The following DENND4C variants were observed in gnomAD, a reference collection of about 807,000 sequenced individuals.
The protein encoded by DENND4C is DENN domain containing 4C.
Under a neutral mutation model 203.0 loss-of-function variants are expected in DENND4C, and 108 were observed. That is an observed-to-expected ratio of 0.53 (90% CI 0.46 to 0.62). The LOEUF is 0.62. Ranked by LOEUF, DENND4C falls within the 20% of genes least tolerant of loss-of-function variation. The pLI is 0.00. For synonymous variants in DENND4C, 871 were observed against 792.4 expected (o/e 1.10, Z -1.67); for missense variants, 2,481 against 2,301.2 (o/e 1.08, Z -1.60).
chr9:19,296,086 T>G lies in DENND4C; in HGVS notation c.880T>G (p.Leu294Val). Reference sequence around the variant, plus strand: ...AGAGAAACAGCTTATGCACCTGGGCTTGTTGACGCCTGTGGAGAGAAAAAT... The same window carrying G: ...AGAGAAACAGCTTATGCACCTGGGCGTGTTGACGCCTGTGGAGAGAAAAAT... ...LSEKQLMHLG[L>V]LTPVERKMVS... Residue 294 changes from leucine (L) to valine (V), a missense_variant, in exon 6 of 33, where the codon TTG becomes GTG. Coordinates refer to ENST00000434457, the MANE Select transcript of DENND4C (RefSeq NM_001330640.2). 1 of 1,614,152 alleles carries G rather than the reference T, an allele frequency of 6.2e-7. No homozygotes were observed.
rs751417000 is a variant in DENND4C at position 19,361,838 on chromosome 9, T to C, written c.5407-8T>C. The C allele has an allele frequency of 1.3e-6, 2 of 1,523,552 alleles. No individual in the cohort carries two copies. Among genetic ancestry groups the C allele is most frequent in the Non-Finnish European group, 1.8e-6 (2 of 1,098,564 alleles). The allele number at this position is 1,523,552 out of a possible 1,614,324, so 94.4% of individuals were successfully genotyped here. ...GGGATACTAATACTTTCTTTTGATT[T>C]CTTTTAGCTTCCTCTGTCATCTCTG... On this transcript the variant is annotated splice_region_variant and splice_polypyrimidine_tract_variant and intron_variant, in intron 29 of 32. Coordinates refer to ENST00000434457, the MANE Select transcript of DENND4C (RefSeq NM_001330640.2).
intron 10 of DENND4C, among the ~76,000 whole-genome samples, 200 bp from the exon 11 acceptor site, chr9:19,316,217 T>A (rs1841822771): frequency 6.6e-6 from 1 of 152,250 alleles, no homozygotes; most frequent in Admixed American, 6.5e-5. Context: ...AAGGTTAGAA[T>A]GAGATGGCTA....
intron 30 of DENND4C, among the ~76,000 whole-genome samples, chr9:19,367,291 A>C (rs559542734): frequency 1.3e-5 from 2 of 152,376 alleles, no homozygotes; most frequent in Admixed American, 1.3e-4. Flanking sequence ...CAGCTCCTCA[A>C]AATGGCAAAC....
At chr9:19,282,716 T>TCTTTTG (rs371235170) in intron 2 of DENND4C, among the ~76,000 whole-genome samples, 2 of 28,744 alleles carry the variant, frequency 7.0e-5, no homozygotes, top group Admixed American at 9.7e-4. Flanking sequence ...TTCTTCTCTC[T>TCTTTTG]TTTTTTTTTT....
rs1554717864 is a variant in DENND4C at position 19,282,715 on chromosome 9, C to CTTTTTTT, written c.306-4041_306-4035dup. On this transcript the variant is annotated intron_variant, in intron 2 of 32. Coordinates refer to ENST00000434457, the MANE Select transcript of DENND4C (RefSeq NM_001330640.2). Reference sequence around the variant, plus strand: ...TTTTCTTTTTCTTTTTTTCTTCTCTCTTTTTTTTTTTTTTTTTTTGAGACA... The same window carrying CTTTTTTT: ...TTTTCTTTTTCTTTTTTTCTTCTCTCTTTTTTTTTTTTTTTTTTTTTTTTTTGAGACA... Among the ~76,000 whole-genome samples the CTTTTTTT allele has an allele frequency of 4.6e-4, 40 of 86,662 alleles. 1 individual carries two copies. Among genetic ancestry groups the CTTTTTTT allele is most frequent in the African/African-American group, 1.7e-3 (39 of 22,628 alleles). The allele number at this position is 86,662 out of a possible 152,430, so 56.9% of individuals were successfully genotyped here. A position where few individuals can be genotyped will look rare whatever the true frequency, so the allele number is the denominator to read the frequency against.
chr9:19,344,145 T>A (rs182476813), intron 22 of DENND4C, among the ~76,000 whole-genome samples: 1 of 152,342 alleles, frequency 6.6e-6, no homozygotes, highest in East Asian at 1.9e-4. Context: ...AGAAAGATCT[T>A]ATCTAAGACA....
At chr9:19,306,526 C>G (rs1024956530) in intron 10 of DENND4C, among the ~76,000 whole-genome samples, 1 of 151,938 alleles carries the variant, frequency 6.6e-6, no homozygotes, top group Non-Finnish European at 1.5e-5. Flanking sequence ...GTAGGCTACT[C>G]TCCCTGAAAA....
chr9:19,269,631 C>G (rs374512276), intron 1 of DENND4C, among the ~76,000 whole-genome samples: 16 of 152,334 alleles, frequency 1.1e-4, no homozygotes, highest in East Asian at 9.6e-4. Context: ...TAAAATTCAT[C>G]TGATAGGATT....
chr9:19,255,824 A>G (rs1487080004), intron 1 of DENND4C, among the ~76,000 whole-genome samples: 1 of 152,228 alleles, frequency 6.6e-6, no homozygotes. Context: ...GTGGACAGAA[A>G]ACCATCAAGG....
At chr9:19,319,421 C>A (rs1426964110) in intron 12 of DENND4C, among the ~76,000 whole-genome samples, 2 of 139,094 alleles carry the variant, frequency 1.4e-5, no homozygotes, top group Admixed American at 7.4e-5. Context: ...TATATATATA[C>A]ATATATATAT....
At chr9:19,286,275 G>A (rs1238601787) in intron 2 of DENND4C, among the ~76,000 whole-genome samples, 1 of 152,032 alleles carries the variant, frequency 6.6e-6, no homozygotes, top group African/African-American at 2.4e-5. Context: ...TGCCATCATT[G>A]TCTTTTTGTC....
chr9:19,330,925 G>T (rs1341952513), intron 16 of DENND4C, among the ~76,000 whole-genome samples: 2 of 151,566 alleles, frequency 1.3e-5, no homozygotes, highest in Admixed American at 1.3e-4. Flanking sequence ...GCATGGTGGT[G>T]GGTGCCTGTA....
At chr9:19,328,198 GA>G (rs779536146) in intron 16 of DENND4C, 36 bp downstream of exon 16, 1 of 1,570,552 alleles carries the variant, frequency 6.4e-7, no homozygotes, top group Non-Finnish European at 8.6e-7. Context: ...GTTCATTTAA[GA>G]TGTAAAATAT....
chr9:19,300,411 A>T (rs1045435168), intron 9 of DENND4C, 80 bp downstream of exon 9: 7 of 1,285,780 alleles, frequency 5.4e-6, no homozygotes, highest in Non-Finnish European at 6.1e-6. Context: ...CAAAAACAGC[A>T]ACTTTGTAAA....
chr9:19,273,362 A>G (rs970967343), intron 1 of DENND4C, among the ~76,000 whole-genome samples: 1 of 152,054 alleles, frequency 6.6e-6, no homozygotes, highest in South Asian at 2.1e-4. Context: ...CAGGAATTAT[A>G]GGTGTAAGCC....
At chr9:19,364,849 C>T (rs1426794062) in intron 30 of DENND4C, among the ~76,000 whole-genome samples, 2 of 151,684 alleles carry the variant, frequency 1.3e-5, no homozygotes, top group South Asian at 2.1e-4. Flanking sequence ...GAGCCGAGAT[C>T]GTGCCACTGC....
At chr9:19,354,086 G>A (rs1256664247) in intron 26 of DENND4C, among the ~76,000 whole-genome samples, 1 of 152,140 alleles carries the variant, frequency 6.6e-6, no homozygotes, top group Non-Finnish European at 1.5e-5. Context: ...TCTGCTAAGT[G>A]TGATATATAT....
At chr9:19,314,296 T>G (rs149964197) in intron 10 of DENND4C, among the ~76,000 whole-genome samples, 1 of 151,680 alleles carries the variant, frequency 6.6e-6, no homozygotes, top group Non-Finnish European at 1.5e-5. Context: ...CTACTAAAAA[T>G]ACAAAAAATT....
chr9:19,336,804 T>C lies in DENND4C; in HGVS notation c.2853T>C (p.Leu951=), dbSNP rs1820579626. 16 of 1,550,704 alleles carry C rather than the reference T, an allele frequency of 1.0e-5. No individual in the cohort carries two copies. The highest frequency in any genetic ancestry group is 1.7e-4 in the Middle Eastern group (1 of 5,992). Residue 951 remains leucine (L), a synonymous_variant, in exon 20 of 33, where the codon CTT becomes CTC. Coordinates refer to ENST00000434457, the MANE Select transcript of DENND4C (RefSeq NM_001330640.2). ...HTVFVRDLIR[L]ESIDNHSSTG... is the part of the protein sequence containing the mutation. ...TCTTCGTCAGAGATTTAATCAGGCT[T>C]GAGTCCATTGATAATCACTCTAGCA...
Sources: allele counts gnomAD v4.1 joint callset (sites outside exome capture counted in the v4.1 genomes callset), GRCh38; gene constraint gnomAD v4.1.1; transcripts MANE v1.5; gene names NCBI Gene and HGNC (gene_info 2026-07-23, HGNC 2026-07-21).